Variants in SLC25A13 observed in about 807,000 individuals in gnomAD.
The protein encoded by SLC25A13 is electrogenic aspartate/glutamate antiporter SLC25A13, mitochondrial.
Under a neutral mutation model 85.5 loss-of-function variants are expected in SLC25A13, and 70 were observed. That is an observed-to-expected ratio of 0.82 (90% confidence interval 0.68 to 1.00). The LOEUF is 1.00. Ranked by LOEUF, SLC25A13 falls within the 50% of genes least tolerant of loss-of-function variation. The probability of loss-of-function intolerance (pLI) is 0.00; values close to 1 mark genes in which losing one functional copy is unlikely to be tolerated. For synonymous variants in SLC25A13, 259 were observed against 288.7 expected, an observed-to-expected ratio of 0.90 and a Z score of 1.04; for missense variants, 765 against 819.8, an observed-to-expected ratio of 0.93 and a Z score of 0.82.
chr7:96,228,170 T>G (rs2116788815), intron 4 of SLC25A13, among the ~76,000 whole-genome samples: 1 of 152,286 alleles, frequency 6.6e-6, no homozygotes, highest in South Asian at 2.1e-4. Flanking sequence ...GGCCTAGATT[T>G]TTTAAACAGG....
chr7:96,280,665 T>C (rs1798642625), intron 2 of SLC25A13, among the ~76,000 whole-genome samples: 1 of 152,022 alleles, frequency 6.6e-6, no homozygotes, highest in Non-Finnish European at 1.5e-5. Flanking sequence ...CAGTGAGCCA[T>C]GTTTGCATCA....
At chr7:96,279,352 C>A (rs899798263) in intron 2 of SLC25A13, among the ~76,000 whole-genome samples, 1 of 152,116 alleles carries the variant, frequency 6.6e-6, no homozygotes, top group African/African-American at 2.4e-5. Flanking sequence ...TCTGTTCTTA[C>A]ACTGCTAATA....
intron 13 of SLC25A13, among the ~76,000 whole-genome samples, chr7:96,163,168 G>A (rs1032280410): frequency 6.6e-6 from 1 of 152,214 alleles, no homozygotes; most frequent in Non-Finnish European, 1.5e-5. Flanking sequence ...TAACTGGCTT[G>A]TCTGACCATC....
At chr7:96,317,736 A>C (rs1584617043) in intron 1 of SLC25A13, among the ~76,000 whole-genome samples, 1 of 152,124 alleles carries the variant, frequency 6.6e-6, no homozygotes, top group East Asian at 1.9e-4. Flanking sequence ...CTTGAACATC[A>C]AAATGGAGTC....
chr7:96,263,213 T>A (rs969525046), intron 3 of SLC25A13, among the ~76,000 whole-genome samples: 1 of 152,124 alleles, frequency 6.6e-6, no homozygotes, highest in Non-Finnish European at 1.5e-5. Context: ...TCCGTGAATG[T>A]CAGCCTTGAC....
intron 4 of SLC25A13, among the ~76,000 whole-genome samples, chr7:96,218,146 C>G (rs1298014474): frequency 6.6e-6 from 1 of 152,004 alleles, no homozygotes; most frequent in Non-Finnish European, 1.5e-5. Flanking sequence ...ATCTGGGCAC[C>G]AAATATTTAC....
intron 5 of SLC25A13, among the ~76,000 whole-genome samples, chr7:96,202,127 C>T (rs1353212859): frequency 3.9e-5 from 6 of 152,164 alleles, no homozygotes. Context: ...TTAAAAAGAA[C>T]CAAAATTGTT....
intron 1 of SLC25A13, among the ~76,000 whole-genome samples, chr7:96,319,591 T>C (rs1800262875): frequency 6.7e-6 from 1 of 149,872 alleles, no homozygotes; most frequent in Non-Finnish European, 1.5e-5. Flanking sequence ...ATAAGGAGAC[T>C]TCTCTCCCAA....
Position 96,122,062 on chromosome 7 carries a change from T to C in SLC25A13, c.1592-65A>G, listed in dbSNP as rs375678843. On this transcript the variant is annotated intron_variant, in intron 15 of 17. Transcript: ENST00000265631. ...TCTCACTATATAAAAATAACTGTGC[T>C]TTGAACTGCTGGCCGTGGAAAGAAA... 1,774 of 1,596,500 alleles carry C rather than the reference T, an allele frequency of 1.1e-3. 12 individuals are homozygous for C. Among genetic ancestry groups the C allele is most frequent in the Middle Eastern group, 4.8e-3 (29 of 6,016 alleles).
At position 96,203,393 on chromosome 7, in the gene SLC25A13, AT is replaced by A. The variant is rs531453282; in HGVS notation, c.468+5444del. 7.0e-3 allele frequency among the ~76,000 whole-genome samples: 1,066 copies of A among 152,270 alleles called. 9 individuals carry two copies. Among genetic ancestry groups the A allele is most frequent in the Non-Finnish European group, 0.012 (830 of 68,026 alleles). ...CATCTCAGATAATTTTTACACTAAA[AT>A]TTGGGGGGTAAAAACTGCCAGAGAT... On this transcript the variant is annotated intron_variant, in intron 5 of 17. Transcript: ENST00000265631.
chr7:96,163,682 T>A (rs1373500866), intron 13 of SLC25A13, among the ~76,000 whole-genome samples: 1 of 152,144 alleles, frequency 6.6e-6, no homozygotes, highest in Non-Finnish European at 1.5e-5. Context: ...GAAATTAAAG[T>A]CATTTTTAGA....
intron 13 of SLC25A13, among the ~76,000 whole-genome samples, chr7:96,165,293 G>A (rs921374843): frequency 5.3e-5 from 8 of 152,296 alleles, no homozygotes; most frequent in South Asian, 2.1e-4. Context: ...GATAGGGAGC[G>A]TATGCTGGCA....
intron 12 of SLC25A13, among the ~76,000 whole-genome samples, chr7:96,170,671 G>A (rs974562453): frequency 6.6e-6 from 1 of 152,128 alleles, no homozygotes; most frequent in African/African-American, 2.4e-5. Context: ...TGTAGTACAA[G>A]AAATTTTAAG....
chr7:96,319,929 G>A (rs1800274854), intron 1 of SLC25A13, among the ~76,000 whole-genome samples: 1 of 152,156 alleles, frequency 6.6e-6, no homozygotes, highest in South Asian at 2.1e-4. Context: ...CTTGATATGT[G>A]ACACTTCTAC....
In SLC25A13 at chr7:96,272,965, T is replaced by C. The variant is rs113589302; in HGVS notation, c.212+4231A>G. Among the ~76,000 whole-genome samples the C allele has an allele frequency of 3.3e-3, 500 of 152,260 alleles. 1 individual carries two copies. Among genetic ancestry groups the C allele is most frequent in the African/African-American group, 0.011 (466 of 41,546 alleles). ...AAAATATCCATGTGATCTTGACATA[T>C]CATCCCACAAATTATCTACTCATAT... is the stretch of plus-strand genomic sequence containing the variant. On this transcript the variant is annotated intron_variant, in intron 3 of 17. Transcript: ENST00000265631.
In SLC25A13 at chr7:96,189,600, C is replaced by T. The variant is rs750041862; in HGVS notation, c.829G>A (p.Asp277Asn). ...ACTTACCCCCTTGGCTCATATAAAT[C>T]TGCTAACTGAAACAAGATGTCAACT... is the stretch of plus-strand genomic sequence containing the variant. ...MEVDILFQLA[D>N]LYEPRGRMTL... is the part of the protein sequence containing the mutation. The change falls in exon 8 of 18, where the codon GAT becomes AAT. Residue 277 changes from aspartate to asparagine, a missense_variant. Coordinates refer to ENST00000265631, the MANE Select transcript of SLC25A13 (RefSeq NM_014251.3). 1.1e-5 allele frequency: 17 copies of T among 1,565,772 alleles called. No homozygotes were observed. The highest frequency in any genetic ancestry group is 1.5e-5 in the Non-Finnish European group (17 of 1,148,772).
At chr7:96,157,138 A>G (rs1011578045) in intron 13 of SLC25A13, among the ~76,000 whole-genome samples, 3 of 152,194 alleles carry the variant, frequency 2.0e-5, no homozygotes, top group Non-Finnish European at 4.4e-5. Context: ...CTGTGACTAC[A>G]ACCATGTCAG....
chr7:96,293,902 C>T (rs1159151550), intron 2 of SLC25A13, among the ~76,000 whole-genome samples: 2 of 152,118 alleles, frequency 1.3e-5, no homozygotes, highest in African/African-American at 2.4e-5. Context: ...ACTAGAAATA[C>T]CATTTGACCC....
chr7:96,306,783 C>A, intron 1 of SLC25A13: 1 of 1,241,772 alleles, frequency 8.1e-7, no homozygotes, highest in Non-Finnish European at 1.2e-6. Context: ...CTGATACCTC[C>A]TAGTGCCCTA....
Sources: allele counts gnomAD v4.1 joint callset (sites outside exome capture counted in the v4.1 genomes callset), GRCh38; gene constraint gnomAD v4.1.1; transcripts MANE v1.5; gene names NCBI Gene and HGNC (gene_info 2026-07-23, HGNC 2026-07-21).